HECW1: variants seen among roughly 807,000 people sequenced by gnomAD.
The protein encoded by HECW1 is HECT, C2 and WW domain containing E3 ubiquitin protein ligase 1.
In HECW1, 61 loss-of-function variants were observed where a neutral mutation model predicts 182.3. The observed-to-expected ratio is 0.33, with a 90% CI of 0.27 to 0.41. The LOEUF is 0.41. Ranked by LOEUF, HECW1 falls within the 10% of genes least tolerant of loss-of-function variation. HECW1 has a pLI of 1.00. For synonymous variants in HECW1, 859 were observed against 832.6 expected (o/e 1.03, Z -0.55); for missense variants, 1,739 against 2,108.9 (o/e 0.82, Z 3.44).
chr7:43,381,869 G>C (rs1466249270), intron 6 of HECW1, among the ~76,000 whole-genome samples: 1 of 152,002 alleles, frequency 6.6e-6, no homozygotes, highest in Non-Finnish European at 1.5e-5. Flanking sequence ...TCACTGTGTT[G>C]CCCAGGCTGG....
chr7:43,549,240 G>A lies in HECW1; in HGVS notation c.4249-1205G>A, dbSNP rs73329848. ...GGAAAATAAAGTCTTTAACTGGGCC[G>A]CTAAAAATCAGACATTCCAAAGAAT... On this transcript the variant is annotated intron_variant, in intron 26 of 29. Coordinates refer to ENST00000395891, the MANE Select transcript of HECW1 (RefSeq NM_015052.5). 8.7e-3 allele frequency among the ~76,000 whole-genome samples: 1,323 copies of A among 152,342 alleles called. 30 individuals are homozygous for A. Among genetic ancestry groups the A allele is most frequent in the African/African-American group, 0.03 (1,245 of 41,570 alleles).
At chr7:43,294,507 T>C (rs1243922341) in intron 3 of HECW1, among the ~76,000 whole-genome samples, 1 of 152,112 alleles carries the variant, frequency 6.6e-6, no homozygotes, top group African/African-American at 2.4e-5. Flanking sequence ...TAAAACTAGC[T>C]CCTCCCGGTC....
At chr7:43,355,031 A>AG (rs1491348369) in intron 5 of HECW1, among the ~76,000 whole-genome samples, 1 of 40,812 alleles carries the variant, frequency 2.5e-5, no homozygotes, top group East Asian at 6.5e-4. Context: ...TGCTGAAAGG[A>AG]AAAAAAAAAA....
At chr7:43,408,848 G>A (rs976125185) in intron 8 of HECW1, among the ~76,000 whole-genome samples, 6 of 152,186 alleles carry the variant, frequency 3.9e-5, no homozygotes, top group Non-Finnish European at 8.8e-5. Context: ...CAGTTTTACA[G>A]TCATAGAAAC....
rs566069852 is a variant in HECW1 at position 43,350,325 on chromosome 7, C to G, written c.461-10561C>G. ...TTCCTTCATCTTAACTTTAGATAAC[C>G]TGATGACAGTGTGCCTAGGGGAAGA... On this transcript the variant is annotated intron_variant, in intron 5 of 29. Transcript: ENST00000395891. Among the ~76,000 whole-genome samples, 70 of 152,236 alleles carry G rather than the reference C, an allele frequency of 4.6e-4. 1 individual carries two copies. The highest frequency in any genetic ancestry group is 3.4e-3 in the Middle Eastern group (1 of 294).
At chr7:43,183,512 AAAG>A (rs1048122082) in intron 2 of HECW1, among the ~76,000 whole-genome samples, 3 of 152,356 alleles carry the variant, frequency 2.0e-5, no homozygotes, top group Middle Eastern at 3.4e-3. Context: ...ATTTTTGAAA[AAAG>A]AAGAATATAT....
chr7:43,492,497 A>C (rs1005505284), intron 18 of HECW1, among the ~76,000 whole-genome samples: 4 of 152,128 alleles, frequency 2.6e-5, no homozygotes. Flanking sequence ...GGTTTAAATG[A>C]GGTGAATTTT....
chr7:43,121,194 C>T (rs1412410312), intron 2 of HECW1, among the ~76,000 whole-genome samples: 2 of 152,134 alleles, frequency 1.3e-5, no homozygotes, highest in African/African-American at 4.8e-5. Flanking sequence ...TTTGCTTCCT[C>T]AGCACCCAGC....
intron 2 of HECW1, among the ~76,000 whole-genome samples, chr7:43,237,099 G>A (rs906699516): frequency 6.7e-6 from 1 of 149,186 alleles, no homozygotes; most frequent in African/African-American, 2.5e-5. Flanking sequence ...GCAGGGATGG[G>A]AGGGAGGGAA....
chr7:43,299,803 A>G (rs1371374042), intron 3 of HECW1, among the ~76,000 whole-genome samples: 2 of 152,224 alleles, frequency 1.3e-5, no homozygotes, highest in Non-Finnish European at 2.9e-5. Flanking sequence ...AGTCTTAGTG[A>G]TCATTTCTCC....
intron 24 of HECW1, among the ~76,000 whole-genome samples, chr7:43,531,777 C>T (rs1373834566): frequency 3.3e-5 from 5 of 152,216 alleles, no homozygotes; most frequent in African/African-American, 1.2e-4. Context: ...GCTCCACATC[C>T]CTGTTCCTCC....
chr7:43,264,202 C>T (rs760581316), intron 3 of HECW1, among the ~76,000 whole-genome samples: 8 of 152,256 alleles, frequency 5.3e-5, no homozygotes, highest in Non-Finnish European at 1.0e-4. Context: ...TTCTAACTGA[C>T]GGAAACATTA....
At chr7:43,429,780 A>T (rs1299074922) in intron 8 of HECW1, among the ~76,000 whole-genome samples, 1 of 152,190 alleles carries the variant, frequency 6.6e-6, no homozygotes, top group African/African-American at 2.4e-5. Flanking sequence ...TCCATTAGTA[A>T]TAAATAATGG....
intron 20 of HECW1, 77 bp from the exon 21 acceptor site, chr7:43,501,136 A>G: frequency 2.5e-6 from 2 of 787,540 alleles, no homozygotes; most frequent in Non-Finnish European, 4.1e-6. Flanking sequence ...TGCTACCCCA[A>G]TTCGTGAACA....
At chr7:43,490,275 A>G (rs1487524348) in intron 17 of HECW1, among the ~76,000 whole-genome samples, 1 of 152,114 alleles carries the variant, frequency 6.6e-6, no homozygotes, top group Non-Finnish European at 1.5e-5. Context: ...CTTCCGTACC[A>G]TGCTCCCATT....
chr7:43,241,916 G>A (rs996854969), intron 2 of HECW1, among the ~76,000 whole-genome samples: 3 of 152,076 alleles, frequency 2.0e-5, no homozygotes, highest in Non-Finnish European at 4.4e-5. Context: ...CCAAGGAGTG[G>A]GGGGTGTGGA....
chr7:43,443,870 A>C (rs987506737), intron 10 of HECW1, among the ~76,000 whole-genome samples: 1 of 152,100 alleles, frequency 6.6e-6, no homozygotes, highest in Non-Finnish European at 1.5e-5. Flanking sequence ...CACCACTACT[A>C]CCCTCATCCC....
chr7:43,301,745 C>T (rs1405135643), intron 3 of HECW1, among the ~76,000 whole-genome samples: 2 of 151,916 alleles, frequency 1.3e-5, no homozygotes, highest in African/African-American at 4.8e-5. Flanking sequence ...TACGGTGGCA[C>T]GCACCTGTAA....
intron 2 of HECW1, among the ~76,000 whole-genome samples, chr7:43,169,690 C>CTTTT (rs374141328): frequency 4.9e-4 from 56 of 113,416 alleles, no homozygotes; most frequent in African/African-American, 7.5e-4. Context: ...TTTTTCTTTT[C>CTTTT]TTTTTTTTTT....
Sources: allele counts gnomAD v4.1 joint callset (sites outside exome capture counted in the v4.1 genomes callset), GRCh38; gene constraint gnomAD v4.1.1; transcripts MANE v1.5; gene names NCBI Gene and HGNC (gene_info 2026-07-23, HGNC 2026-07-21).